Variants in CNTN4 observed in about 807,000 individuals in gnomAD.
CNTN4 encodes contactin-4.
In CNTN4, 77 loss-of-function variants were observed where a neutral mutation model predicts 122.5. The ratio of observed to expected loss-of-function variants is 0.63; its 90% CI spans 0.52 to 0.76. The LOEUF (loss-of-function observed/expected upper bound fraction) is 0.76, where lower values mean the gene tolerates loss of function less well. Among genes scored for constraint, CNTN4 ranks in the 30% least tolerant of loss-of-function variants. The probability of loss-of-function intolerance (pLI) is 0.00; values close to 1 mark genes in which losing one functional copy is unlikely to be tolerated. For missense variants in CNTN4, 1,256 were observed against 1,259.1 expected, an observed-to-expected ratio of 1.00 and a Z score of 0.04; for synonymous variants, 512 against 447.0, an observed-to-expected ratio of 1.15 and a Z score of -1.83.
chr3:2,832,783 G>C (rs1393108480), intron 7 of CNTN4, among the ~76,000 whole-genome samples: 2 of 152,150 alleles, frequency 1.3e-5, no homozygotes, highest in African/African-American at 2.4e-5. Context: ...TTATCAAATT[G>C]CCTCAAATTT....
chr3:2,855,615 G>T (rs1409187209), intron 7 of CNTN4, among the ~76,000 whole-genome samples: 3 of 152,212 alleles, frequency 2.0e-5, no homozygotes, highest in Admixed American at 6.5e-5. Context: ...GTCTTATTCA[G>T]TCCAGGTGTT....
At chr3:2,933,167 T>C (rs1377691615) in intron 13 of CNTN4, among the ~76,000 whole-genome samples, 2 of 152,124 alleles carry the variant, frequency 1.3e-5, no homozygotes, top group African/African-American at 4.8e-5. Flanking sequence ...TCAGGAAATG[T>C]ACATTTTACG....
chr3:2,558,159 G>A (rs976478876), intron 3 of CNTN4, among the ~76,000 whole-genome samples: 2 of 152,126 alleles, frequency 1.3e-5, no homozygotes, highest in African/African-American at 2.4e-5. Context: ...AAATGTCAGC[G>A]TTTCCATACG....
At chr3:2,175,694 C>T (rs2036720091) in intron 2 of CNTN4, among the ~76,000 whole-genome samples, 1 of 152,108 alleles carries the variant, frequency 6.6e-6, no homozygotes, top group Admixed American at 6.6e-5. Flanking sequence ...AGGTGGGTCC[C>T]TGTCCCCAAA....
intron 14 of CNTN4, among the ~76,000 whole-genome samples, chr3:3,006,916 G>GTGTTTGTA (rs1225303583): frequency 6.6e-6 from 1 of 152,110 alleles, no homozygotes; most frequent in Non-Finnish European, 1.5e-5. Flanking sequence ...CAATATCATT[G>GTGTTTGTA]TGTTTGTATT....
chr3:2,113,777 G>T (rs991291422), intron 2 of CNTN4, among the ~76,000 whole-genome samples: 1 of 152,172 alleles, frequency 6.6e-6, no homozygotes, highest in Non-Finnish European at 1.5e-5. Flanking sequence ...TCACTGGAGG[G>T]AGGCTTTATT....
intron 4 of CNTN4, among the ~76,000 whole-genome samples, chr3:2,672,576 C>G (rs1417902824): frequency 6.6e-6 from 1 of 152,170 alleles, no homozygotes; most frequent in African/African-American, 2.4e-5. Flanking sequence ...TGAGGCAATG[C>G]GTCGCCCTGC....
chr3:3,001,442 T>C (rs1417423964), intron 14 of CNTN4, among the ~76,000 whole-genome samples: 1 of 152,204 alleles, frequency 6.6e-6, no homozygotes, highest in Non-Finnish European at 1.5e-5. Context: ...CAGGTGTGTT[T>C]AAATGTCAGC....
At chr3:2,110,723 T>TC (rs1447239393) in intron 2 of CNTN4, 1 of 122,658 alleles carries the variant, frequency 8.2e-6, no homozygotes, top group East Asian at 2.4e-4. Flanking sequence ...GTTTCTCCCC[T>TC]CCCCGCCTTT....
chr3:2,834,389 A>AC (rs1295194903), intron 7 of CNTN4, among the ~76,000 whole-genome samples: 1 of 151,762 alleles, frequency 6.6e-6, no homozygotes, highest in Non-Finnish European at 1.5e-5. Context: ...ACATGGTGAA[A>AC]CCCCATCTCT....
intron 3 of CNTN4, among the ~76,000 whole-genome samples, chr3:2,433,074 C>G (rs1035193873): frequency 1.3e-5 from 2 of 152,250 alleles, no homozygotes; most frequent in East Asian, 1.9e-4. Flanking sequence ...CCACCCACCT[C>G]AGCCACATAA....
intron 4 of CNTN4, among the ~76,000 whole-genome samples, chr3:2,732,504 A>T (rs1431777481): frequency 3.8e-5 from 4 of 104,956 alleles, no homozygotes; most frequent in African/African-American, 8.2e-5. Context: ...TTACTGTGAT[A>T]AAAAAAAAAA....
chr3:2,482,683 C>T (rs1433162211), intron 3 of CNTN4, among the ~76,000 whole-genome samples: 11 of 152,144 alleles, frequency 7.2e-5, no homozygotes, highest in East Asian at 1.9e-4. Flanking sequence ...CCACTCCGGC[C>T]GTGGCTAAAA....
chr3:2,994,460 C>T (rs1346156915), intron 14 of CNTN4, among the ~76,000 whole-genome samples: 1 of 151,892 alleles, frequency 6.6e-6, no homozygotes, highest in Non-Finnish European at 1.5e-5. Flanking sequence ...TTTGTATTTT[C>T]ATTCTTCAAC....
chr3:2,966,256 G>C (rs955343824), intron 13 of CNTN4, among the ~76,000 whole-genome samples: 3 of 152,062 alleles, frequency 2.0e-5, no homozygotes, highest in East Asian at 1.9e-4. Flanking sequence ...TTTTACAGTT[G>C]ATAGCTAGTA....
chr3:3,034,255 G>A (rs544556004), intron 16 of CNTN4, among the ~76,000 whole-genome samples: 9 of 152,130 alleles, frequency 5.9e-5, no homozygotes, highest in Admixed American at 4.6e-4. Flanking sequence ...TCTCACTACC[G>A]TATCCTCAAA....
At chr3:2,558,847 A>G (rs1463447159) in intron 3 of CNTN4, among the ~76,000 whole-genome samples, 1 of 152,228 alleles carries the variant, frequency 6.6e-6, no homozygotes, top group African/African-American at 2.4e-5. Context: ...TCACTGTATA[A>G]CTGCAAATGA....
rs532416673 is a variant in CNTN4, at chr3:2,776,707, A to G, written c.358+31010A>G. Among the ~76,000 whole-genome samples the G allele has an allele frequency of 3.9e-5, 6 of 152,314 alleles. No individual in the cohort carries two copies. The East Asian group carries it at 9.6e-4, about 24-fold the overall frequency. On this transcript the variant is annotated intron_variant, in intron 6 of 24. Transcript: ENST00000418658. ...GAGCTTGTTATTAAGTCAATGATCA[A>G]TAAATATTTGTTGATTACCTATAGG... is the stretch of plus-strand genomic sequence containing the variant.
chr3:2,973,655 T>C (rs192662595), intron 13 of CNTN4, among the ~76,000 whole-genome samples: 2 of 152,162 alleles, frequency 1.3e-5, no homozygotes, highest in African/African-American at 2.4e-5. Flanking sequence ...ATAATCAACA[T>C]ATTTAATGTG....
Sources: gnomAD v4.1 joint callset for allele counts (sites outside exome capture counted in the v4.1 genomes callset) on GRCh38, gnomAD v4.1.1 for gene constraint, MANE v1.5 for transcripts, NCBI Gene and HGNC (gene_info 2026-07-23, HGNC 2026-07-21) for gene names.